Variants in ZCWPW2 observed in about 807,000 individuals in gnomAD.
The protein encoded by ZCWPW2 is zinc finger CW-type PWWP domain protein 2.
A neutral mutation model predicts 46.6 loss-of-function variants in ZCWPW2; 45 were observed. That is an observed-to-expected ratio of 0.96 (90% confidence interval 0.76 to 1.24). ZCWPW2 has a LOEUF of 1.24. Among genes scored for constraint, ZCWPW2 ranks in the 50% most tolerant of loss-of-function variants. The pLI, the probability that ZCWPW2 is intolerant of heterozygous loss-of-function variation, is 0.00. For synonymous variants in ZCWPW2, 152 were observed against 137.1 expected (o/e 1.11, Z -0.76); for missense variants, 429 against 403.9 (o/e 1.06, Z -0.53).
At chr3:28,514,281 T>G (rs1323069018) in intron 7 of ZCWPW2, among the ~76,000 whole-genome samples, 159 bp downstream of exon 7, 2 of 151,810 alleles carry the variant, frequency 1.3e-5, no homozygotes, top group African/African-American at 2.4e-5. Context: ...CTTTCAGGAG[T>G]GCTAAACTGA....
At chr3:28,439,845 GAA>G (rs1697675169) in intron 4 of ZCWPW2, among the ~76,000 whole-genome samples, 1 of 152,178 alleles carries the variant, frequency 6.6e-6, no homozygotes, top group South Asian at 2.1e-4. Flanking sequence ...TTTTAACAAA[GAA>G]AGAGCAAATA....
intron 2 of ZCWPW2, among the ~76,000 whole-genome samples, chr3:28,401,719 A>G (rs1214101227): frequency 6.6e-6 from 1 of 152,168 alleles, no homozygotes; most frequent in East Asian, 1.9e-4. Context: ...AGTTAAAATT[A>G]TATCAGGCAC....
At chr3:28,473,261 A>G (rs1699105172) in intron 4 of ZCWPW2, among the ~76,000 whole-genome samples, 1 of 152,154 alleles carries the variant, frequency 6.6e-6, no homozygotes, top group African/African-American at 2.4e-5. Flanking sequence ...GTATCACTTG[A>G]GGTCAGGAGT....
chr3:28,351,176 G>C (rs1009307641), intron 1 of ZCWPW2, among the ~76,000 whole-genome samples: 1 of 150,270 alleles, frequency 6.7e-6, no homozygotes, highest in Non-Finnish European at 1.5e-5. Context: ...GGCTGTTTTG[G>C]ACTGAATTGA....
chr3:28,373,268 C>T (rs1705397936), intron 1 of ZCWPW2, among the ~76,000 whole-genome samples: 1 of 152,236 alleles, frequency 6.6e-6, no homozygotes, highest in African/African-American at 2.4e-5. Context: ...TTCACATTTC[C>T]ACCAAAAGAA....
intron 1 of ZCWPW2, among the ~76,000 whole-genome samples, chr3:28,357,977 C>T (rs758159457): frequency 7.9e-5 from 12 of 151,558 alleles, no homozygotes; most frequent in Non-Finnish European, 1.5e-4. Context: ...ATTCTTAAGT[C>T]TCCCTCAAAA....
intron 7 of ZCWPW2, 60 bp from the exon 8 acceptor site, chr3:28,515,494 G>T: frequency 8.0e-7 from 1 of 1,251,562 alleles, no homozygotes; most frequent in South Asian, 1.3e-5. Flanking sequence ...AGGCACAAAT[G>T]GTCATTTAAA....
chr3:28,403,481 T>C (rs956397580), intron 2 of ZCWPW2, among the ~76,000 whole-genome samples: 2 of 152,218 alleles, frequency 1.3e-5, no homozygotes, highest in Non-Finnish European at 2.9e-5. Context: ...AAGAGCAATC[T>C]ACAAATTCAA....
intron 1 of ZCWPW2, among the ~76,000 whole-genome samples, chr3:28,379,329 A>G (rs1293614780): frequency 6.6e-6 from 1 of 152,234 alleles, no homozygotes; most frequent in Non-Finnish European, 1.5e-5. Context: ...ATTTAGAATA[A>G]TCACTGAGGG....
At chr3:28,420,075 TAA>T (rs572015703) in intron 3 of ZCWPW2, among the ~76,000 whole-genome samples, 1 of 148,608 alleles carries the variant, frequency 6.7e-6, no homozygotes, top group African/African-American at 2.5e-5. Flanking sequence ...AAAGTATAAT[TAA>T]AAAAAAAAAC....
At chr3:28,436,972 A>G (rs909994373) in intron 4 of ZCWPW2, among the ~76,000 whole-genome samples, 16 of 152,162 alleles carry the variant, frequency 1.1e-4, no homozygotes, top group African/African-American at 3.6e-4. Flanking sequence ...TTTACACTCT[A>G]TTGTCTAGAC....
At chr3:28,487,093 G>T (rs1262440974) in intron 5 of ZCWPW2, among the ~76,000 whole-genome samples, 1 of 151,260 alleles carries the variant, frequency 6.6e-6, no homozygotes, top group Admixed American at 6.6e-5. Flanking sequence ...GTAGATTTTT[G>T]GCATTTATAT....
At chr3:28,406,826 C>CTTTTTTTTCTTTTTTTTT (rs1559492088) in intron 2 of ZCWPW2, among the ~76,000 whole-genome samples, 1 of 119,978 alleles carries the variant, frequency 8.3e-6, no homozygotes, top group African/African-American at 3.2e-5. Flanking sequence ...TCTTTTTTTT[C>CTTTTTTTTCTTTTTTTTT]TTTTTTTTTT....
chr3:28,426,694 A>G (rs1697026922), intron 3 of ZCWPW2, among the ~76,000 whole-genome samples: 1 of 152,196 alleles, frequency 6.6e-6, no homozygotes, highest in South Asian at 2.1e-4. Flanking sequence ...AGCCCCTGCA[A>G]TTAGGTACAG....
At chr3:28,417,557 A>C (rs1696650505) in intron 3 of ZCWPW2, among the ~76,000 whole-genome samples, 1 of 151,444 alleles carries the variant, frequency 6.6e-6, no homozygotes, top group Non-Finnish European at 1.5e-5. Context: ...ACAGAGACAC[A>C]ACAAAAAAAG....
intron 4 of ZCWPW2, among the ~76,000 whole-genome samples, chr3:28,442,072 C>T (rs1697783097): frequency 6.6e-6 from 1 of 152,196 alleles, no homozygotes; most frequent in Non-Finnish European, 1.5e-5. Flanking sequence ...TGCACAGCAG[C>T]CTGGACCTGT....
chr3:28,357,797 T>TTA (rs3068920), intron 1 of ZCWPW2, among the ~76,000 whole-genome samples: 7,271 of 140,270 alleles, frequency 0.052, 234 homozygotes, highest in African/African-American at 0.092. Flanking sequence ...TTGGTATATT[T>TTA]TATATATATA....
intron 1 of ZCWPW2, among the ~76,000 whole-genome samples, chr3:28,368,543 G>T (rs1036359370): frequency 2.5e-4 from 38 of 152,112 alleles, no homozygotes; most frequent in Admixed American, 2.4e-3. Flanking sequence ...TAGTCTGATG[G>T]GCTTCCCTTT....
chr3:28,475,291 G>T (rs761669811), intron 4 of ZCWPW2, among the ~76,000 whole-genome samples: 4 of 152,072 alleles, frequency 2.6e-5, no homozygotes, highest in Non-Finnish European at 5.9e-5. Context: ...TGGTCAGGAC[G>T]TGCTTTTTGC....
Sources: gnomAD v4.1 joint callset for allele counts (sites outside exome capture counted in the v4.1 genomes callset) on GRCh38, gnomAD v4.1.1 for gene constraint, MANE v1.5 for transcripts, NCBI Gene and HGNC (gene_info 2026-07-23, HGNC 2026-07-21) for gene names.